MYO15A: variants seen among roughly 807,000 people sequenced by gnomAD.
The protein encoded by MYO15A is myosin XVA.
A neutral mutation model predicts 394.6 loss-of-function variants in MYO15A; 308 were observed. The ratio of observed to expected loss-of-function variants is 0.78; its 90% CI spans 0.71 to 0.86. The LOEUF is 0.86. MYO15A is among the 40% of genes least tolerant of loss of function. The pLI is 0.00. For missense variants in MYO15A, 4,606 were observed against 4,799.1 expected, an observed-to-expected ratio of 0.96 and a Z score of 1.19; for synonymous variants, 1,957 against 2,003.8, an observed-to-expected ratio of 0.98 and a Z score of 0.62.
rs768543432 is a variant in MYO15A at position 18,140,672 on chromosome 17, TG to T, written c.5360+13del. 4.4e-5 allele frequency: 71 copies of T among 1,613,548 alleles called. 1 individual carries two copies. The South Asian group carries it at 7.2e-4, about 16-fold the overall frequency. On this transcript the variant is annotated splice_region_variant and intron_variant, in intron 20 of 65. Coordinates refer to ENST00000647165, the MANE Select transcript of MYO15A (RefSeq NM_016239.4). ...TGGTGGAAAAGATGGAGAGGTGGGG[TG>T]GGGGGCAGGTGGGCGGAGCACCCAG... is the stretch of plus-strand genomic sequence containing the variant.
At chr17:18,162,314 G>A (rs576656960) in intron 57 of MYO15A, among the ~76,000 whole-genome samples, 154 of 152,250 alleles carry the variant, frequency 1.0e-3, no homozygotes, top group African/African-American at 3.5e-3. Flanking sequence ...GTTTCCAGGC[G>A]TATAGGTTGC....
At position 18,120,549 on chromosome 17, in the gene MYO15A, G is replaced by C; in HGVS notation, c.1749G>C (p.Lys583Asn). The change falls in exon 2 of 66, where the codon AAG (lysine) becomes AAC (asparagine). Residue 583 changes from lysine to asparagine, a missense_variant. Lys to Asn is a moderately conservative substitution (Grantham distance 94). Around this residue, in one of 2 missense-constraint regions of MYO15A, gnomAD observed 1,830 missense variants for 1,689.7 expected, o/e 1.08. Transcript: ENST00000647165. ...TCCTCAAGAAGACGCTGTCGGAGAA[G>C]AAGCCCATCGCGCGGCTCAGGGGCA... is the stretch of plus-strand genomic sequence containing the variant. Reference protein sequence around the residue: ...ARFLKKTLSEKKPIARLRGSQ... With the variant: ...ARFLKKTLSENKPIARLRGSQ... The C allele has an allele frequency of 6.3e-7, 1 of 1,597,580 alleles. No individual in the cohort carries two copies. The highest frequency in any genetic ancestry group is 8.5e-7 in the Non-Finnish European group (1 of 1,174,450).
chr17:18,170,329 TTTTTATTTTA>T lies in MYO15A; in HGVS notation c.10083-1280_10083-1271del, dbSNP rs139072222. 2.4e-3 allele frequency among the ~76,000 whole-genome samples: 352 copies of T among 146,050 alleles called. 1 individual carries two copies. Among genetic ancestry groups the T allele is most frequent in the African/African-American group, 7.4e-3 (293 of 39,456 alleles). On this transcript the variant is annotated intron_variant, in intron 62 of 65. Coordinates refer to ENST00000647165, the MANE Select transcript of MYO15A (RefSeq NM_016239.4). ...AGGGCTCAATATGTAAAGCTCCTTA[TTTTTATTTTA>T]TTTTATTTTATTTTATTTTATTTTA...
chr17:18,162,274 C>T (rs2046787871), intron 57 of MYO15A, among the ~76,000 whole-genome samples: 1 of 152,190 alleles, frequency 6.6e-6, no homozygotes, highest in Non-Finnish European at 1.5e-5. Flanking sequence ...GAGATACAAG[C>T]TCCCCAGTCA....
rs2142330705 is a variant in MYO15A, at chr17:18,139,533, G to A, written c.5134-1G>A. 6.2e-7 allele frequency: 1 copy of A among 1,613,900 alleles called. No individual in the cohort carries two copies. The highest frequency in any genetic ancestry group is 1.1e-5 in the South Asian group (1 of 90,988). ...ACCCAGGCCATTGTTCCCCTTTTCA[G>A]GTGCACAAGTTCCTGGACAAGAACC... On this transcript the variant is annotated splice_acceptor_variant, in intron 18 of 65. Coordinates refer to ENST00000647165, the MANE Select transcript of MYO15A (RefSeq NM_016239.4). LOFTEE classifies it high-confidence loss of function.
intron 52 of MYO15A, 81 bp from the exon 53 acceptor site, chr17:18,158,844 C>T: frequency 1.3e-6 from 2 of 1,525,858 alleles, no homozygotes; most frequent in Non-Finnish European, 1.8e-6. Context: ...AACCCCCTCC[C>T]TGGGGGTTCT....
At position 18,161,516 on chromosome 17, in the gene MYO15A, G is replaced by A. The variant is rs1445837958; in HGVS notation, c.9517+69G>A. On this transcript the variant is annotated intron_variant, in intron 57 of 65. Transcript: ENST00000647165. The stretch of plus-strand genomic sequence containing the variant: ...CTTGGGGACTGGGTGGACAGCTGGT[G>A]GGAGGGGAAACCCAGAGGGCCTCGC... The A allele has an allele frequency of 7.5e-6, 12 of 1,602,698 alleles. No individual in the cohort carries two copies. The Admixed American group carries it at 1.5e-4, about 20-fold the overall frequency.
At chr17:18,154,339 C>A in intron 44 of MYO15A, 149 bp downstream of exon 44, 1 of 935,400 alleles carries the variant, frequency 1.1e-6, no homozygotes, top group Non-Finnish European at 1.7e-6. Context: ...TTGAATCTCC[C>A]CCTCCCATGG....
intron 60 of MYO15A, chr17:18,164,041 C>T: frequency 1.6e-6 from 1 of 626,232 alleles, no homozygotes; most frequent in Non-Finnish European, 2.9e-6. Flanking sequence ...CTTAGTTTGC[C>T]TCACCTTATG....
intron 3 of MYO15A, 108 bp downstream of exon 3, chr17:18,124,673 C>T: frequency 9.6e-7 from 1 of 1,037,624 alleles, no homozygotes; most frequent in Non-Finnish European, 1.4e-6. Context: ...AGGACATTTT[C>T]AGAGCCTCAG....
rs945143335 is a variant in MYO15A, at chr17:18,152,325, A to G, written c.7966+141A>G. ...ATCTTGTGAGCACATTGGTGTAATT[A>G]TAATGTCAATACTTAAGTAGCACAG... On this transcript the variant is annotated intron_variant, in intron 42 of 65. Transcript: ENST00000647165. The G allele has an allele frequency of 1.8e-5, 15 of 833,176 alleles. No homozygotes were observed. The Admixed American group carries it at 2.3e-4, about 13-fold the overall frequency. 51.6% of individuals were successfully genotyped at this position (833,176 alleles called of 1,614,324 possible).
Position 18,122,375 on chromosome 17 carries a change from G to T in MYO15A, c.3575G>T (p.Trp1192Leu). The change falls in exon 2 of 66, where the codon TGG (tryptophan) becomes TTG (leucine). Residue 1192 changes from tryptophan (W) to leucine (L), a missense_variant. Physicochemically the swap from Trp to Leu is moderately conservative, Grantham distance 61 (BLOSUM62 -2). Transcript: ENST00000647165. ...GAACLSLRGS[W>L]EEVGPPSWRN... ...GCCTGCCTGTCCCTTAGGGGCTCCT[G>T]GGAGGAGGTCGGCCCGCCAAGCTGG... 1 of 1,612,722 alleles carries T rather than the reference G, an allele frequency of 6.2e-7. No individual in the cohort carries two copies. Among genetic ancestry groups the T allele is most frequent in the Middle Eastern group, 1.7e-4 (1 of 6,058 alleles).
Position 18,143,967 on chromosome 17 carries a change from T to TG in MYO15A, c.6144_6145insG (p.Pro2049AlafsTer74). ...CACTGCCCCTGGACATCAACAACTA[T>TG]CCTATGGCCAAGTTTGTCCAGTGCC... On this transcript the variant is annotated frameshift_variant, in exon 28 of 66. Transcript: ENST00000647165. LOFTEE classifies it high-confidence loss of function. 6.2e-7 allele frequency: 1 copy of TG among 1,613,328 alleles called. No individual in the cohort carries two copies. The highest frequency in any genetic ancestry group is 8.5e-7 in the Non-Finnish European group (1 of 1,179,944).
rs2046854470 is a variant in MYO15A at position 18,166,373 on chromosome 17, G to A, written c.9800G>A (p.Cys3267Tyr). ...CTGCTCTCTGCAGGCCAGCATGTGTGCCCACTCAGTCGCCGTGCTTACATC... is the reference window on the plus strand; with the variant it reads ...CTGCTCTCTGCAGGCCAGCATGTGTACCCACTCAGTCGCCGTGCTTACATC... Reference protein sequence around the residue: ...FVVTNRGQHVCPLSRRAYILD... With the variant: ...FVVTNRGQHVYPLSRRAYILD... Residue 3267 changes from cysteine (C) to tyrosine (Y), a missense_variant, in exon 61 of 66, where the codon TGC becomes TAC. This residue lies in a region of MYO15A where 2,776 missense variants were observed against 3,109.3 expected (regional missense o/e 0.89). Transcript: ENST00000647165. The A allele has an allele frequency of 6.2e-7, 1 of 1,613,148 alleles. No homozygotes were observed. The highest frequency in any genetic ancestry group is 1.3e-5 in the African/African-American group (1 of 74,944).
In MYO15A at chr17:18,120,768, C is replaced by T. The variant is rs1440144279; in HGVS notation, c.1968C>T (p.His656=). 1.4e-6 allele frequency: 2 copies of T among 1,436,764 alleles called. No individual in the cohort carries two copies. The highest frequency in any genetic ancestry group is 3.1e-5 in the East Asian group (1 of 32,176). The allele number at this position is 1,436,764 out of a possible 1,614,324, so 89.0% of individuals were successfully genotyped here. A position where few individuals can be genotyped will look rare whatever the true frequency, so the allele number is the denominator to read the frequency against. ...AGCCCGCGCCCAGGACCCTCTCCCACTGGAGCGCGCTCCTGTCTCCGCCCG... is the reference window on the plus strand; with the variant it reads ...AGCCCGCGCCCAGGACCCTCTCCCATTGGAGCGCGCTCCTGTCTCCGCCCG... ...APQPAPRTLS[H]WSALLSPPVP... is the part of the protein sequence containing the mutation. Residue 656 remains histidine, a synonymous_variant, in exon 2 of 66, where the codon CAC becomes CAT. Coordinates refer to ENST00000647165, the MANE Select transcript of MYO15A (RefSeq NM_016239.4).
intron 28 of MYO15A, among the ~76,000 whole-genome samples, 200 bp downstream of exon 28, chr17:18,144,200 G>A (rs890697906): frequency 6.6e-6 from 1 of 152,238 alleles, no homozygotes; most frequent in Non-Finnish European, 1.5e-5. Context: ...CTCGGGCAGG[G>A]CTGTTTACCA....
Position 18,119,361 on chromosome 17 carries a change from C to A in MYO15A, c.561C>A (p.Leu187=). Residue 187 remains leucine (L), a synonymous_variant, in exon 2 of 66, where the codon CTC becomes CTA. Transcript: ENST00000647165. ...AGATCCTGCGGCCTGGGGGCCGGCTCCGGAGGTTCCCCCGCAGCCGCAGCA... is the reference window on the plus strand; with the variant it reads ...AGATCCTGCGGCCTGGGGGCCGGCTACGGAGGTTCCCCCGCAGCCGCAGCA... ...GAEILRPGGR[L]RRFPRSRSIY... is the part of the protein sequence containing the mutation. 1 of 1,609,466 alleles carries A rather than the reference C, an allele frequency of 6.2e-7. No individual in the cohort carries two copies. Among genetic ancestry groups the A allele is most frequent in the Non-Finnish European group, 8.5e-7 (1 of 1,179,268 alleles).
Position 18,151,956 on chromosome 17 carries a change from G to A in MYO15A, c.7893+5G>A. The A allele has an allele frequency of 6.4e-7, 1 of 1,556,026 alleles. No individual in the cohort carries two copies. Among genetic ancestry groups the A allele is most frequent in the Non-Finnish European group, 8.7e-7 (1 of 1,148,716 alleles). On this transcript the variant is annotated splice_donor_5th_base_variant and intron_variant, in intron 41 of 65. Coordinates refer to ENST00000647165, the MANE Select transcript of MYO15A (RefSeq NM_016239.4). ...GCAGCTGCACCTGGCACCCAGGTGAGGGGGGAAGGTGGGGCTGAGCCCAGG... is the reference window on the plus strand; with the variant it reads ...GCAGCTGCACCTGGCACCCAGGTGAAGGGGGAAGGTGGGGCTGAGCCCAGG...
chr17:18,138,056 G>A, intron 16 of MYO15A, 59 bp from the exon 17 acceptor site: 1 of 1,525,752 alleles, frequency 6.6e-7, no homozygotes. Flanking sequence ...ATGGGAGGGA[G>A]GGTGGGTGGG....
Sources: gnomAD v4.1 joint callset for allele counts (sites outside exome capture counted in the v4.1 genomes callset) on GRCh38, gnomAD v4.1.1 for gene constraint, gnomAD v4.1.1 regional missense constraint, MANE v1.5 for transcripts, NCBI Gene and HGNC (gene_info 2026-07-23, HGNC 2026-07-21) for gene names.